The following NPM1 variants were observed in gnomAD, a reference collection of about 807,000 sequenced individuals.
The protein encoded by NPM1 is nucleophosmin.
NPM1 carries 1 observed loss-of-function variant against 44.1 expected under a neutral mutation model. That is an observed-to-expected ratio of 0.02 (90% CI 0.01 to 0.11). The LOEUF is 0.11. NPM1 is among the 10% of genes least tolerant of loss of function. NPM1 has a pLI of 1.00. For missense variants in NPM1, 197 were observed against 347.8 expected, an observed-to-expected ratio of 0.57 and a Z score of 3.45; for synonymous variants, 126 against 111.8, an observed-to-expected ratio of 1.13 and a Z score of -0.80.
chr5:171,396,921 C>A (rs990588625), intron 6 of NPM1, among the ~76,000 whole-genome samples: 1 of 152,036 alleles, frequency 6.6e-6, no homozygotes, highest in East Asian at 1.9e-4. Context: ...TGCAGTGAGC[C>A]GAGATCGCAC....
At chr5:171,397,067 G>C (rs934823685) in intron 6 of NPM1, among the ~76,000 whole-genome samples, 10 of 152,094 alleles carry the variant, frequency 6.6e-5, no homozygotes, top group African/African-American at 2.4e-4. Context: ...ATGAGAAATC[G>C]TACTCTATAG....
chr5:171,399,255 T>G (rs929957994), intron 6 of NPM1, among the ~76,000 whole-genome samples: 1 of 151,980 alleles, frequency 6.6e-6, no homozygotes, highest in Non-Finnish European at 1.5e-5. Context: ...TAAGTGTCTT[T>G]TTTGTTTTTG....
chr5:171,410,140 T>G (rs750783223), intron 10 of NPM1, among the ~76,000 whole-genome samples: 1 of 152,240 alleles, frequency 6.6e-6, no homozygotes, highest in East Asian at 1.9e-4. Flanking sequence ...CAGGCACACA[T>G]GCACAGGCAA....
intron 10 of NPM1, 114 bp downstream of exon 10, chr5:171,407,888 T>C: frequency 1.5e-6 from 1 of 649,524 alleles, no homozygotes. Flanking sequence ...TAACCACAGA[T>C]AATATTTCAT....
chr5:171,391,214 A>AT, intron 2 of NPM1, 91 bp from the exon 3 acceptor site: 1 of 1,403,608 alleles, frequency 7.1e-7, no homozygotes, highest in South Asian at 1.3e-5. Flanking sequence ...CCCTGTGGTT[A>AT]AGTGACGCAT....
intron 2 of NPM1, 84 bp from the exon 3 acceptor site, chr5:171,391,221 G>A (rs762189192): frequency 3.6e-5 from 52 of 1,457,788 alleles, no homozygotes; most frequent in African/African-American, 8.5e-5. Context: ...GTTAAGTGAC[G>A]CATGGCTGCA....
At chr5:171,406,411 C>G (rs779275963) in intron 9 of NPM1, 2 of 1,613,002 alleles carry the variant, frequency 1.2e-6, no homozygotes, top group African/African-American at 2.7e-5. Flanking sequence ...ATTGAACAGT[C>G]CTGGGCACTA....
intron 2 of NPM1, among the ~76,000 whole-genome samples, chr5:171,390,816 C>T (rs181230115): frequency 3.9e-5 from 6 of 151,904 alleles, no homozygotes; most frequent in Non-Finnish European, 8.8e-5. Flanking sequence ...CTCTGATTTC[C>T]GAGTTCAAGT....
At chr5:171,402,742 CAT>C (rs1581253261) in intron 8 of NPM1, among the ~76,000 whole-genome samples, 1 of 137,478 alleles carries the variant, frequency 7.3e-6, no homozygotes, top group East Asian at 2.3e-4. Flanking sequence ...AGTGAATTCT[CAT>C]GAGATCTGGT....
intron 2 of NPM1, among the ~76,000 whole-genome samples, chr5:171,390,424 A>G (rs1019563146): frequency 3.3e-5 from 5 of 152,220 alleles, no homozygotes; most frequent in Non-Finnish European, 5.9e-5. Flanking sequence ...TCTACCAGAG[A>G]CTAGCCTTCT....
At chr5:171,387,630 G>C (rs1770286062), upstream of NPM1, 1 of 338,956 alleles carries the variant, frequency 3.0e-6, no homozygotes, top group African/African-American at 2.1e-5. Flanking sequence ...AGCAGCGGAG[G>C]GGTGGGGCCA....
rs577760802 is a variant in NPM1 at position 171,387,870 on chromosome 5, C to G, written c.-79C>G. 2.3e-6 allele frequency: 3 copies of G among 1,327,510 alleles called. No individual in the cohort carries two copies. The highest frequency in any genetic ancestry group is 3.2e-6 in the Non-Finnish European group (3 of 923,884). 82.2% of individuals were successfully genotyped at this position (1,327,510 alleles called of 1,614,324 possible). ...CGTCCTTTCCCTGGTGTGATTCCGT[C>G]CTGCGCGGTTGTTCTCTGGAGCAGC... On this transcript the variant is annotated 5_prime_UTR_variant, in exon 1 of 11. Coordinates refer to ENST00000296930, the MANE Select transcript of NPM1 (RefSeq NM_002520.7).
chr5:171,390,032 C>CT lies in NPM1; in HGVS notation c.59-13dup. 1.3e-6 allele frequency: 2 copies of CT among 1,513,854 alleles called. No individual in the cohort carries two copies. Among genetic ancestry groups the CT allele is most frequent in the Non-Finnish European group, 1.8e-6 (2 of 1,109,676 alleles). 93.8% of individuals were successfully genotyped at this position (1,513,854 alleles called of 1,614,324 possible). ...GTTATTTTTCTCCTTGTTAGAGTTG[C>CT]TTTTTTCTTCATTTACAGGTTGTGA... On this transcript the variant is annotated intron_variant, in intron 1 of 10. Transcript: ENST00000296930.
chr5:171,394,860 T>G (rs1770798033), intron 6 of NPM1, among the ~76,000 whole-genome samples: 2 of 152,168 alleles, frequency 1.3e-5, no homozygotes, highest in Non-Finnish European at 2.9e-5. Context: ...CTGTTGGGGC[T>G]TTGGAAGATT....
At chr5:171,399,515 G>A (rs944071253) in intron 6 of NPM1, among the ~76,000 whole-genome samples, 1 of 152,136 alleles carries the variant, frequency 6.6e-6, no homozygotes, top group Non-Finnish European at 1.5e-5. Context: ...AGGATTATAG[G>A]TGTGAGACAC....
intron 6 of NPM1, among the ~76,000 whole-genome samples, chr5:171,398,065 G>A (rs1771004154): frequency 6.6e-6 from 1 of 152,014 alleles, no homozygotes; most frequent in South Asian, 2.1e-4. Context: ...GGGATTACAG[G>A]CGTGAGCCAC....
upstream of NPM1, chr5:171,387,583 G>A (rs557243636): frequency 2.6e-5 from 7 of 264,948 alleles, no homozygotes; most frequent in African/African-American, 1.5e-4. Flanking sequence ...TGGGGAGTGC[G>A]CGTTACGACT....
chr5:171,400,754 C>CTGCT, intron 7 of NPM1, 85 bp from the exon 8 acceptor site: 1 of 881,202 alleles, frequency 1.1e-6, no homozygotes. Flanking sequence ...CCTGTGGTTG[C>CTGCT]TGCTTGTCTT....
intron 7 of NPM1, 122 bp downstream of exon 7, chr5:171,400,332 T>A: frequency 3.8e-6 from 2 of 533,032 alleles, no homozygotes; most frequent in Non-Finnish European, 5.2e-6. Flanking sequence ...TACTGAAAAT[T>A]AGTCCTGAGG....
Sources: gnomAD v4.1 joint callset for allele counts (sites outside exome capture counted in the v4.1 genomes callset) on GRCh38, gnomAD v4.1.1 for gene constraint, MANE v1.5 for transcripts, NCBI Gene and HGNC (gene_info 2026-07-23, HGNC 2026-07-21) for gene names.